Variants in ARPP21 observed in about 807,000 individuals in gnomAD.
ARPP21 encodes the protein cAMP-regulated phosphoprotein 21.
ARPP21 carries 69 observed loss-of-function variants against 113.2 expected under a neutral mutation model. That is an observed-to-expected ratio of 0.61 (90% CI 0.50 to 0.74). ARPP21 has a LOEUF of 0.74. Ranked by LOEUF, ARPP21 falls within the 30% of genes least tolerant of loss-of-function variation. The pLI, the probability that ARPP21 is intolerant of heterozygous loss-of-function variation, is 0.00. For synonymous variants in ARPP21, 368 were observed against 375.5 expected (o/e 0.98, Z 0.23); for missense variants, 1,070 against 1,037.4 (o/e 1.03, Z -0.43).
intron 19 of ARPP21, among the ~76,000 whole-genome samples, chr3:35,772,574 G>T (rs2096241203): frequency 6.6e-6 from 1 of 152,154 alleles, no homozygotes; most frequent in Admixed American, 6.6e-5. Context: ...TGCGCTCAGA[G>T]ATGAGTCAGC....
chr3:35,736,890 T>C (rs2094387908), intron 15 of ARPP21, among the ~76,000 whole-genome samples: 1 of 152,218 alleles, frequency 6.6e-6, no homozygotes, highest in Admixed American at 6.5e-5. Context: ...CACAGGTCTC[T>C]CTACTGGGTA....
intron 1 of ARPP21, among the ~76,000 whole-genome samples, chr3:35,675,798 A>AGATGATGATGAT (rs58955088): frequency 4.7e-5 from 7 of 149,244 alleles, no homozygotes; most frequent in African/African-American, 9.9e-5. Flanking sequence ...GCTAAGATGA[A>AGATGATGATGAT]GATGATGATG....
At chr3:35,739,912 G>C (rs565965041) in intron 18 of ARPP21, among the ~76,000 whole-genome samples, 1 of 152,252 alleles carries the variant, frequency 6.6e-6, no homozygotes, top group Admixed American at 6.5e-5. Flanking sequence ...AAAGCCTTGG[G>C]GAAGGGAAAG....
intron 1 of ARPP21, among the ~76,000 whole-genome samples, chr3:35,649,040 C>G: frequency 6.6e-6 from 1 of 152,158 alleles, no homozygotes; most frequent in South Asian, 2.1e-4. Context: ...AATACACAAA[C>G]AAAAGGCCTA....
At chr3:35,688,006 A>T (rs2081113088) in intron 6 of ARPP21, 123 bp downstream of exon 6, 2 of 857,628 alleles carry the variant, frequency 2.3e-6, no homozygotes, top group Non-Finnish European at 3.5e-6. Context: ...CTATACGTGT[A>T]CGTATCTGTG....
chr3:35,767,409 AAG>A (rs1428075576), intron 19 of ARPP21, among the ~76,000 whole-genome samples: 1 of 152,156 alleles, frequency 6.6e-6, no homozygotes, highest in African/African-American at 2.4e-5. Flanking sequence ...ATGGACAATA[AAG>A]TGTGCTCTTT....
chr3:35,691,141 A>G (rs2149641869), intron 9 of ARPP21, 136 bp downstream of exon 9: 1 of 928,862 alleles, frequency 1.1e-6, no homozygotes, highest in East Asian at 2.9e-5. Context: ...TATCAGAAGT[A>G]GTGTGGCATT....
chr3:35,737,272 A>T lies in ARPP21; in HGVS notation c.1554A>T (p.Gln518His), dbSNP rs773574547. Residue 518 changes from glutamine (Q) to histidine (H), a missense_variant, in exon 16 of 21, where the codon CAA becomes CAT. Coordinates refer to ENST00000684406, the MANE Select transcript of ARPP21 (RefSeq NM_001385562.1). ...PLRSAMVGQS[Q>H]QQPPQQQPSP... Reference sequence around the variant, plus strand: ...GAAGCGCCATGGTGGGGCAGTCCCAACAGCAGCCACCACAGCAGCAGCCCT... The same window carrying T: ...GAAGCGCCATGGTGGGGCAGTCCCATCAGCAGCCACCACAGCAGCAGCCCT... 1.9e-6 allele frequency: 3 copies of T among 1,612,292 alleles called. No homozygotes were observed. The East Asian group carries it at 6.7e-5, about 36-fold the overall frequency.
At position 35,668,020 on chromosome 3, in the gene ARPP21, GAA is replaced by G. The variant is rs1559550439; in HGVS notation, c.-212-11766_-212-11765del. Among the ~76,000 whole-genome samples, 116 of 149,218 alleles carry G rather than the reference GAA, an allele frequency of 7.8e-4. 1 individual carries two copies. Among genetic ancestry groups the G allele is most frequent in the African/African-American group, 1.9e-3 (75 of 40,132 alleles). The stretch of plus-strand genomic sequence containing the variant: ...AGAAGAAGAAGAAGAAGAAGAAGAA[GAA>G]GAAGAAGAAGGAGAAGAAGAAGAAA... On this transcript the variant is annotated intron_variant, in intron 1 of 20. Coordinates refer to ENST00000684406, the MANE Select transcript of ARPP21 (RefSeq NM_001385562.1).
chr3:35,774,528 T>A (rs2151585711), intron 19 of ARPP21, among the ~76,000 whole-genome samples: 1 of 152,294 alleles, frequency 6.6e-6, no homozygotes, highest in African/African-American at 2.4e-5. Flanking sequence ...ATACTTAGAA[T>A]CCTTCTGGAG....
chr3:35,702,810 A>G (rs1297907996), intron 9 of ARPP21, among the ~76,000 whole-genome samples: 1 of 151,886 alleles, frequency 6.6e-6, no homozygotes, highest in African/African-American at 2.4e-5. Flanking sequence ...AGATACACTT[A>G]TTTAAAAAGA....
At chr3:35,721,960 A>G (rs181280865) in intron 14 of ARPP21, 126 bp downstream of exon 14, 1 of 645,542 alleles carries the variant, frequency 1.5e-6, no homozygotes, top group Admixed American at 3.1e-5. Flanking sequence ...GGATAGCTGG[A>G]AATCAGAAGG....
intron 1 of ARPP21, among the ~76,000 whole-genome samples, chr3:35,666,699 A>G (rs892353305): frequency 2.0e-5 from 3 of 151,918 alleles, no homozygotes; most frequent in African/African-American, 7.2e-5. Flanking sequence ...TTACTTTTCT[A>G]TTTTTTGATT....
intron 9 of ARPP21, among the ~76,000 whole-genome samples, chr3:35,704,483 A>G (rs1458391762): frequency 6.6e-6 from 1 of 151,892 alleles, no homozygotes; most frequent in Non-Finnish European, 1.5e-5. Context: ...ATTTTCATTC[A>G]CACTTCCATG....
chr3:35,703,009 T>C (rs1018692856), intron 9 of ARPP21, among the ~76,000 whole-genome samples: 2 of 151,816 alleles, frequency 1.3e-5, no homozygotes, highest in Admixed American at 1.3e-4. Flanking sequence ...ACTTTTAATT[T>C]TATGAGATAC....
intron 9 of ARPP21, among the ~76,000 whole-genome samples, chr3:35,692,330 T>G (rs1382663212): frequency 2.6e-5 from 4 of 151,674 alleles, no homozygotes; most frequent in African/African-American, 7.3e-5. Context: ...AAAGGTAACT[T>G]TTAGAATCCT....
rs1433847491 is a variant in ARPP21, at chr3:35,684,494, C to G, written c.261+679C>G. 4.1e-6 allele frequency: 4 copies of G among 984,110 alleles called. No homozygotes were observed. The East Asian group carries it at 3.4e-4, about 85-fold the overall frequency. The allele number at this position is 984,110 out of a possible 1,614,324, so 61.0% of individuals were successfully genotyped here. A position where few individuals can be genotyped will look rare whatever the true frequency, so the allele number is the denominator to read the frequency against. ...CATGACAAAATGGGAAACTTCACAT[C>G]ATACTTATTTTTGTTTGCCTTTCAG... is the stretch of plus-strand genomic sequence containing the variant. On this transcript the variant is annotated intron_variant, in intron 5 of 20. Coordinates refer to ENST00000684406, the MANE Select transcript of ARPP21 (RefSeq NM_001385562.1).
chr3:35,658,907 G>A (rs1706317432), intron 1 of ARPP21, among the ~76,000 whole-genome samples: 1 of 152,086 alleles, frequency 6.6e-6, no homozygotes, highest in African/African-American at 2.4e-5. Context: ...GCAGCTTCAT[G>A]AATTAGGGTC....
intron 7 of ARPP21, 110 bp downstream of exon 7, chr3:35,689,495 C>A: frequency 1.6e-6 from 1 of 640,532 alleles, no homozygotes; most frequent in South Asian, 1.9e-5. Context: ...CAGATACCTT[C>A]CCTGACGTCT....
Sources: gnomAD v4.1 joint callset for allele counts (sites outside exome capture counted in the v4.1 genomes callset) on GRCh38, gnomAD v4.1.1 for gene constraint, MANE v1.5 for transcripts, NCBI Gene and HGNC (gene_info 2026-07-23, HGNC 2026-07-21) for gene names.